Variants in AP2A2 observed in about 807,000 individuals in gnomAD.
The protein encoded by AP2A2 is AP-2 complex subunit alpha-2.
AP2A2 carries 32 observed loss-of-function variants against 104.2 expected under a neutral mutation model. The observed-to-expected ratio is 0.31, with a 90% CI of 0.23 to 0.41. AP2A2 has a LOEUF of 0.41. AP2A2 is among the 10% of genes least tolerant of loss of function. The pLI, the probability that AP2A2 is intolerant of heterozygous loss-of-function variation, is 1.00. For missense variants in AP2A2, 912 were observed against 1,261.0 expected, an observed-to-expected ratio of 0.72 and a Z score of 4.19; for synonymous variants, 539 against 533.3, an observed-to-expected ratio of 1.01 and a Z score of -0.15.
intron 1 of AP2A2, among the ~76,000 whole-genome samples, chr11:937,448 A>G (rs1750967858): frequency 2.6e-5 from 4 of 152,140 alleles, no homozygotes; most frequent in African/African-American, 9.7e-5. Flanking sequence ...ATCTTTTAAA[A>G]GTTCACTTTT....
At chr11:959,981 G>T (rs1259468294) in intron 2 of AP2A2, among the ~76,000 whole-genome samples, 2 of 152,142 alleles carry the variant, frequency 1.3e-5, no homozygotes, top group African/African-American at 4.8e-5. Flanking sequence ...TCAGCCCTTG[G>T]GACATTTTTG....
At chr11:947,066 G>A (rs1233336312) in intron 1 of AP2A2, 3 of 142,746 alleles carry the variant, frequency 2.1e-5, no homozygotes, top group South Asian at 4.3e-4. Flanking sequence ...CTAGAGTGCG[G>A]TGGCGCCGAT....
chr11:1,010,641 A>G lies in AP2A2; in HGVS notation c.*16A>G, dbSNP rs1008344643. The G allele has an allele frequency of 1.3e-6, 2 of 1,573,538 alleles. No homozygotes were observed. Among genetic ancestry groups the G allele is most frequent in the Admixed American group, 1.8e-5 (1 of 54,842 alleles). ...GCAGTTTTAGTCCTGAGGATGGAAG[A>G]CCAGGCTCGTGTGTCTTGTGTTGTC... On this transcript the variant is annotated 3_prime_UTR_variant, in exon 22 of 22. Transcript: ENST00000448903.
chr11:939,095 A>T (rs994700277), intron 1 of AP2A2, among the ~76,000 whole-genome samples: 3 of 151,684 alleles, frequency 2.0e-5, no homozygotes, highest in African/African-American at 7.3e-5. Context: ...CTAAAAATAT[A>T]AAAAAATTCC....
chr11:937,535 G>T (rs1234043079), intron 1 of AP2A2, among the ~76,000 whole-genome samples: 2 of 152,320 alleles, frequency 1.3e-5, no homozygotes, highest in East Asian at 1.9e-4. Context: ...TTGAGCCTAG[G>T]AGGTTGAGGC....
At chr11:926,425 G>A (rs1195379383) in intron 1 of AP2A2, among the ~76,000 whole-genome samples, 1 of 151,580 alleles carries the variant, frequency 6.6e-6, no homozygotes, top group Non-Finnish European at 1.5e-5. Context: ...GGGTCTAGGG[G>A]TTTAGGGCAC....
chr11:992,541 G>A lies in AP2A2; in HGVS notation c.1308G>A (p.Val436=). The A allele has an allele frequency of 6.2e-7, 1 of 1,610,924 alleles. No homozygotes were observed. The highest frequency in any genetic ancestry group is 8.5e-7 in the Non-Finnish European group (1 of 1,178,598). Reference sequence around the variant, plus strand: ...CCATCCTGGCTGAGAAGTACGCGGTGGACTACACCTGGTATGTGGATACCA... The same window carrying A: ...CCATCCTGGCTGAGAAGTACGCGGTAGACTACACCTGGTATGTGGATACCA... ...KVAILAEKYA[V]DYTWYVDTIL... is the part of the protein sequence containing the mutation. Residue 436 remains valine, a synonymous_variant, in exon 11 of 22, where the codon GTG becomes GTA. Coordinates refer to ENST00000448903, the MANE Select transcript of AP2A2 (RefSeq NM_012305.4). The surrounding 1 kb of genome is among the most constrained non-coding windows in gnomAD (Gnocchi z 6.4).
intron 2 of AP2A2, among the ~76,000 whole-genome samples, chr11:964,587 C>A (rs1854547951): frequency 6.6e-6 from 1 of 152,128 alleles, no homozygotes; most frequent in Non-Finnish European, 1.5e-5. Flanking sequence ...GTCGGTTTGG[C>A]CAGAGCATGG....
In AP2A2 at chr11:965,275, T is replaced by C. The variant is rs529494516; in HGVS notation, c.137-4894T>C. On this transcript the variant is annotated intron_variant, in intron 2 of 21. Transcript: ENST00000448903. Reference sequence around the variant, plus strand: ...AAGGAAATAATCCCAGATGGAAGCGTGGAGGTGGAAAGAATGGAATGGGCA... The same window carrying C: ...AAGGAAATAATCCCAGATGGAAGCGCGGAGGTGGAAAGAATGGAATGGGCA... 4.6e-5 allele frequency among the ~76,000 whole-genome samples: 7 copies of C among 151,094 alleles called. No individual in the cohort carries two copies. The East Asian group carries it at 1.4e-3, about 29-fold the overall frequency.
intron 1 of AP2A2, among the ~76,000 whole-genome samples, chr11:958,255 C>G (rs1168861320): frequency 6.6e-6 from 1 of 152,180 alleles, no homozygotes; most frequent in Admixed American, 6.5e-5. Context: ...GGAAGAGAGC[C>G]CTCACCAGAA....
chr11:938,203 G>T (rs1051688458), intron 1 of AP2A2, among the ~76,000 whole-genome samples: 7 of 152,134 alleles, frequency 4.6e-5, no homozygotes, highest in African/African-American at 1.4e-4. Context: ...CCGCACGAAG[G>T]CCAGCCTTTC....
In AP2A2 at chr11:1,010,212, G is replaced by A. The variant is rs1300967396; in HGVS notation, c.2743-336G>A. On this transcript the variant is annotated intron_variant, in intron 21 of 21. Transcript: ENST00000448903. ...CTCACCACGTCCCGTTCTGGCGACGGACACCTGTCTCCGTTTCACTTGGGT... is the reference window on the plus strand; with the variant it reads ...CTCACCACGTCCCGTTCTGGCGACGAACACCTGTCTCCGTTTCACTTGGGT... The A allele has an allele frequency of 6.0e-6, 3 of 496,220 alleles. No homozygotes were observed. The Admixed American group carries it at 1.0e-4, about 17-fold the overall frequency. 30.7% of individuals were successfully genotyped at this position (496,220 alleles called of 1,614,324 possible).
At chr11:956,232 G>A (rs916909075) in intron 1 of AP2A2, among the ~76,000 whole-genome samples, 2 of 150,920 alleles carry the variant, frequency 1.3e-5, no homozygotes, top group African/African-American at 2.4e-5. Context: ...CTGTCATCTC[G>A]CCTCACTGCA....
At chr11:979,652 C>T (rs1173219099) in intron 5 of AP2A2, among the ~76,000 whole-genome samples, 1 of 152,204 alleles carries the variant, frequency 6.6e-6, no homozygotes, top group Non-Finnish European at 1.5e-5. Context: ...ACCTCTGCCT[C>T]CTGGGTTCAG....
At chr11:990,449 G>T (rs1855607726) in intron 10 of AP2A2, among the ~76,000 whole-genome samples, 1 of 151,842 alleles carries the variant, frequency 6.6e-6, no homozygotes, top group African/African-American at 2.4e-5. Context: ...CCTGATTGTT[G>T]TTCTGGGTGT....
intron 2 of AP2A2, among the ~76,000 whole-genome samples, chr11:964,201 A>G (rs1365402058): frequency 6.6e-6 from 1 of 152,234 alleles, no homozygotes; most frequent in Non-Finnish European, 1.5e-5. Context: ...GGGGTGCTCT[A>G]CACAACCTCA....
rs972990573 is a variant in AP2A2, at chr11:988,700, G to C, written c.1269+11G>C. On this transcript the variant is annotated intron_variant, in intron 10 of 21. Coordinates refer to ENST00000448903, the MANE Select transcript of AP2A2 (RefSeq NM_012305.4). The stretch of plus-strand genomic sequence containing the variant: ...ATCCGAGAAGAGATTGTGAGTTCTG[G>C]TGGCCTCTGAGTCCTCTCCTGCCAC... The C allele has an allele frequency of 2.5e-6, 4 of 1,613,122 alleles. No individual in the cohort carries two copies. The African/African-American group carries it at 4.0e-5, about 16-fold the overall frequency.
At chr11:987,093 C>T (rs1855487365) in intron 9 of AP2A2, 140 bp downstream of exon 9, 1 of 1,066,772 alleles carries the variant, frequency 9.4e-7, no homozygotes, top group South Asian at 1.5e-5. Flanking sequence ...CCGCCTGTCA[C>T]CTACTCTTGG....
intron 3 of AP2A2, 30 bp from the exon 4 acceptor site, chr11:972,032 C>G (rs1396136851): frequency 3.8e-6 from 6 of 1,589,790 alleles, no homozygotes; most frequent in Non-Finnish European, 5.1e-6. Flanking sequence ...TTGTCATGAG[C>G]TTTCTCTTCT....
Sources: gnomAD v4.1 joint callset for allele counts (sites outside exome capture counted in the v4.1 genomes callset) on GRCh38, gnomAD v4.1.1 for gene constraint, Gnocchi (gnomAD v3.1) non-coding constraint, MANE v1.5 for transcripts, NCBI Gene and HGNC (gene_info 2026-07-23, HGNC 2026-07-21) for gene names.